The following PHACTR1 variants were observed in gnomAD, a reference collection of about 807,000 sequenced individuals.
PHACTR1 encodes RPEL repeat containing 1.
In PHACTR1, 16 loss-of-function variants were observed where a neutral mutation model predicts 69.2. The observed-to-expected ratio is 0.23, with a 90% CI of 0.16 to 0.35. The LOEUF (loss-of-function observed/expected upper bound fraction) is 0.35. PHACTR1 is among the 10% of genes least tolerant of loss of function. PHACTR1 has a pLI of 1.00. For synonymous variants in PHACTR1, 312 were observed against 284.5 expected, an observed-to-expected ratio of 1.10 and a Z score of -0.97; for missense variants, 510 against 734.7, an observed-to-expected ratio of 0.69 and a Z score of 3.54.
At chr6:12,819,292 A>T (rs1775940396) in intron 4 of PHACTR1, among the ~76,000 whole-genome samples, 1 of 152,180 alleles carries the variant, frequency 6.6e-6, no homozygotes, top group Admixed American at 6.5e-5. Context: ...CTGCAATTAC[A>T]ATGTATTGCT....
intron 10 of PHACTR1, among the ~76,000 whole-genome samples, chr6:13,249,610 C>T (rs1774075311): frequency 6.6e-6 from 1 of 152,040 alleles, no homozygotes; most frequent in African/African-American, 2.4e-5. Context: ...ACCAGCCTGG[C>T]TAACATGGTG....
intron 4 of PHACTR1, among the ~76,000 whole-genome samples, chr6:13,026,744 C>T (rs1032134262): frequency 1.3e-5 from 2 of 151,926 alleles, no homozygotes; most frequent in African/African-American, 4.8e-5. Flanking sequence ...CAGATGGCAG[C>T]GTTGTTGCTG....
At chr6:13,200,874 G>A (rs987761848) in intron 7 of PHACTR1, among the ~76,000 whole-genome samples, 2 of 151,440 alleles carry the variant, frequency 1.3e-5, no homozygotes, top group Non-Finnish European at 2.9e-5. Context: ...ACCCGGGAGC[G>A]GGAGGTTGCA....
intron 4 of PHACTR1, among the ~76,000 whole-genome samples, chr6:13,026,058 C>T (rs1057234313): frequency 7.9e-5 from 12 of 152,162 alleles, no homozygotes; most frequent in Non-Finnish European, 5.9e-5. Flanking sequence ...GATGGGTCAG[C>T]GTGCATTGCT....
chr6:12,738,896 G>A (rs1488473103), intron 3 of PHACTR1, among the ~76,000 whole-genome samples: 1 of 151,878 alleles, frequency 6.6e-6, no homozygotes, highest in African/African-American at 2.4e-5. Context: ...AAAACCAAGA[G>A]CCTTCCCCTA....
chr6:13,183,964 C>T (rs547823466), intron 7 of PHACTR1, among the ~76,000 whole-genome samples: 5 of 152,176 alleles, frequency 3.3e-5, no homozygotes, highest in African/African-American at 7.2e-5. Flanking sequence ...AAGGAAGAGG[C>T]GCGTCCAATG....
intron 4 of PHACTR1, among the ~76,000 whole-genome samples, chr6:13,023,710 A>G (rs901139205): frequency 2.0e-5 from 3 of 152,254 alleles, no homozygotes; most frequent in Non-Finnish European, 4.4e-5. Context: ...GTCTATGAGC[A>G]GAAAGAGTGC....
intron 4 of PHACTR1, among the ~76,000 whole-genome samples, chr6:12,908,925 A>G (rs1041210689): frequency 6.6e-6 from 1 of 152,206 alleles, no homozygotes; most frequent in Non-Finnish European, 1.5e-5. Context: ...TAGAAATGAT[A>G]CCGTCAAATT....
At chr6:13,173,650 T>G (rs1378356273) in intron 6 of PHACTR1, among the ~76,000 whole-genome samples, 1 of 152,204 alleles carries the variant, frequency 6.6e-6, no homozygotes, top group Admixed American at 6.5e-5. Context: ...TGCAGTGATT[T>G]GAAAGGTTGT....
chr6:12,765,163 T>TA (rs965261296), intron 4 of PHACTR1, among the ~76,000 whole-genome samples: 1 of 152,320 alleles, frequency 6.6e-6, no homozygotes, highest in African/African-American at 2.4e-5. Flanking sequence ...TTTATCAACA[T>TA]AAAACCTTGA....
chr6:13,252,155 G>C (rs1266197623), intron 10 of PHACTR1, among the ~76,000 whole-genome samples: 1 of 128,304 alleles, frequency 7.8e-6, no homozygotes, highest in Admixed American at 1.1e-4. Context: ...CAGATCGCCT[G>C]AGCCCAGGGC....
At chr6:13,191,055 T>C (rs1763512563) in intron 7 of PHACTR1, among the ~76,000 whole-genome samples, 1 of 152,120 alleles carries the variant, frequency 6.6e-6, no homozygotes, top group Non-Finnish European at 1.5e-5. Flanking sequence ...TGTGTCTCTG[T>C]TTTTCTCTGA....
At chr6:12,811,556 T>C (rs1775010942) in intron 4 of PHACTR1, among the ~76,000 whole-genome samples, 1 of 152,254 alleles carries the variant, frequency 6.6e-6, no homozygotes, top group Non-Finnish European at 1.5e-5. Context: ...TTTTATTTTA[T>C]GTTTGCTATC....
intron 4 of PHACTR1, among the ~76,000 whole-genome samples, chr6:12,960,417 A>G (rs1026241526): frequency 6.6e-6 from 1 of 152,248 alleles, no homozygotes; most frequent in Non-Finnish European, 1.5e-5. Context: ...ATATTTTGGA[A>G]TTAATTCAAT....
chr6:12,857,641 A>T (rs1433909034), intron 4 of PHACTR1, among the ~76,000 whole-genome samples: 1 of 151,260 alleles, frequency 6.6e-6, no homozygotes, highest in African/African-American at 2.4e-5. Context: ...AATAGCACTC[A>T]TTGGTGATGA....
intron 4 of PHACTR1, among the ~76,000 whole-genome samples, chr6:13,004,891 A>C (rs1236350508): frequency 2.0e-5 from 3 of 152,214 alleles, no homozygotes; most frequent in African/African-American, 7.2e-5. Flanking sequence ...AACCATTGTA[A>C]GCATTAAGTG....
intron 6 of PHACTR1, among the ~76,000 whole-genome samples, chr6:13,174,211 A>G (rs1342483424): frequency 6.6e-6 from 1 of 152,238 alleles, no homozygotes; most frequent in African/African-American, 2.4e-5. Flanking sequence ...TAAAATGGGA[A>G]CACAGAACAT....
intron 4 of PHACTR1, among the ~76,000 whole-genome samples, chr6:12,872,495 T>C (rs907371595): frequency 2.0e-4 from 31 of 152,210 alleles, no homozygotes; most frequent in African/African-American, 7.5e-4. Flanking sequence ...TTCACTTCTT[T>C]GCTCTTTGAT....
At chr6:12,910,183 A>C (rs1416425997) in intron 4 of PHACTR1, among the ~76,000 whole-genome samples, 2 of 152,156 alleles carry the variant, frequency 1.3e-5, no homozygotes, top group South Asian at 4.1e-4. Flanking sequence ...TCTGCTGCAC[A>C]TCTTCCTAGA....
Sources: gnomAD v4.1 joint callset for allele counts (sites outside exome capture counted in the v4.1 genomes callset) on GRCh38, gnomAD v4.1.1 for gene constraint, MANE v1.5 for transcripts, NCBI Gene and HGNC (gene_info 2026-07-23, HGNC 2026-07-21) for gene names.